Variants in SGCG observed in about 807,000 individuals in gnomAD.
The protein encoded by SGCG is sarcoglycan gamma, also known as gamma-sarcoglycan.
Under a neutral mutation model 29.3 loss-of-function variants are expected in SGCG, and 26 were observed. The ratio of observed to expected loss-of-function variants is 0.89; its 90% CI spans 0.65 to 1.23. SGCG has a LOEUF of 1.23. Ranked by LOEUF, SGCG falls within the 50% of genes most tolerant of loss-of-function variation. The pLI is 0.00. For synonymous variants in SGCG, 145 were observed against 129.7 expected, an observed-to-expected ratio of 1.12 and a Z score of -0.80; for missense variants, 353 against 356.0, an observed-to-expected ratio of 0.99 and a Z score of 0.07.
At chr13:23,186,855 C>CGA (rs1268649780) in intron 1 of SGCG, among the ~76,000 whole-genome samples, 1 of 152,156 alleles carries the variant, frequency 6.6e-6, no homozygotes, top group Non-Finnish European at 1.5e-5. Flanking sequence ...CAGTGGATCA[C>CGA]ACATTCTGTA....
intron 4 of SGCG, among the ~76,000 whole-genome samples, chr13:23,264,122 T>C (rs1194087737): frequency 6.6e-6 from 1 of 151,984 alleles, no homozygotes; most frequent in South Asian, 2.1e-4. Context: ...GCATCCAAAT[T>C]GGAAAAGAAA....
the SGCG span, among the ~76,000 whole-genome samples, chr13:23,167,480 G>T: frequency 6.6e-6 from 1 of 152,158 alleles, no homozygotes; most frequent in East Asian, 1.9e-4. Context: ...TCTCCAAACT[G>T]TTGTCCATAG....
chr13:23,194,683 T>C (rs550870154), intron 1 of SGCG, among the ~76,000 whole-genome samples: 172 of 152,288 alleles, frequency 1.1e-3, no homozygotes, highest in African/African-American at 3.9e-3. Flanking sequence ...CCTAATGGTA[T>C]TCACCATGTC....
the SGCG span, among the ~76,000 whole-genome samples, chr13:23,175,205 T>G: frequency 2.0e-5 from 3 of 152,148 alleles, no homozygotes; most frequent in Non-Finnish European, 4.4e-5. Flanking sequence ...GTTAATACAC[T>G]GAGACATAGC....
chr13:23,270,005 G>A (rs933087085), intron 4 of SGCG, among the ~76,000 whole-genome samples: 1 of 151,978 alleles, frequency 6.6e-6, no homozygotes, highest in African/African-American at 2.4e-5. Context: ...CTCCCGAGTA[G>A]CTGGGACTAC....
chr13:23,199,826 G>A (rs1014462665), intron 1 of SGCG, among the ~76,000 whole-genome samples: 1 of 152,172 alleles, frequency 6.6e-6, no homozygotes, highest in African/African-American at 2.4e-5. Context: ...GCAGTGTGTG[G>A]TCAGTATTTT....
At chr13:23,213,292 G>GAGACCA (rs1878302191) in intron 2 of SGCG, among the ~76,000 whole-genome samples, 3 of 152,032 alleles carry the variant, frequency 2.0e-5, no homozygotes, top group Admixed American at 2.0e-4. Context: ...TGGCCTACAT[G>GAGACCA]GCAAAACCCC....
chr13:23,235,546 G>A (rs899147962), intron 3 of SGCG, among the ~76,000 whole-genome samples: 2 of 152,282 alleles, frequency 1.3e-5, no homozygotes, highest in African/African-American at 4.8e-5. Flanking sequence ...CCTCCATGGA[G>A]CTTATAAGAA....
Position 23,320,765 on chromosome 13 carries a change from G to C in SGCG, c.702+5G>C, listed in dbSNP as rs146447150. On this transcript the variant is annotated splice_donor_5th_base_variant and intron_variant, in intron 7 of 7. Coordinates refer to ENST00000218867, the MANE Select transcript of SGCG (RefSeq NM_000231.3). ...TTTCATAGTAGTGATGGAATGGTGAGTTCATTCACAGATCAGCCTCCTACT... is the reference window on the plus strand; with the variant it reads ...TTTCATAGTAGTGATGGAATGGTGACTTCATTCACAGATCAGCCTCCTACT... 2.5e-6 allele frequency: 4 copies of C among 1,612,940 alleles called. No homozygotes were observed. Among genetic ancestry groups the C allele is most frequent in the Non-Finnish European group, 3.4e-6 (4 of 1,179,210 alleles).
intron 2 of SGCG, 107 bp from the exon 3 acceptor site, chr13:23,234,504 G>C: frequency 1.3e-6 from 1 of 764,552 alleles, no homozygotes; most frequent in Non-Finnish European, 2.3e-6. Context: ...TGCAGAAAAG[G>C]TGGTAGGCAA....
chr13:23,212,084 C>G (rs116629019), intron 2 of SGCG, among the ~76,000 whole-genome samples: 1 of 152,074 alleles, frequency 6.6e-6, no homozygotes, highest in East Asian at 1.9e-4. Context: ...CCATGTAAGA[C>G]GTGCTTGCTA....
chr13:23,177,348 G>A (rs1365769278), upstream of SGCG, among the ~76,000 whole-genome samples: 1 of 152,114 alleles, frequency 6.6e-6, no homozygotes, highest in Non-Finnish European at 1.5e-5. Context: ...AAAATAACTA[G>A]AAGAGGGGAT....
intron 6 of SGCG, among the ~76,000 whole-genome samples, chr13:23,309,652 AT>A (rs1367980018): frequency 2.0e-5 from 3 of 152,194 alleles, no homozygotes; most frequent in African/African-American, 4.8e-5. Flanking sequence ...TTTGGTAAAT[AT>A]TAATACCTAT....
At chr13:23,229,123 G>A (rs890311716) in intron 2 of SGCG, among the ~76,000 whole-genome samples, 1 of 152,150 alleles carries the variant, frequency 6.6e-6, no homozygotes, top group Non-Finnish European at 1.5e-5. Context: ...ACCTGCGTTG[G>A]CCTCCCAAAG....
chr13:23,299,440 A>AT (rs1882048854), intron 6 of SGCG, among the ~76,000 whole-genome samples: 3 of 5,258 alleles, frequency 5.7e-4, no homozygotes, highest in Non-Finnish European at 1.2e-3. Context: ...ATATATATAT[A>AT]TATATATATA....
intron 7 of SGCG, among the ~76,000 whole-genome samples, chr13:23,323,558 GC>G (rs1883125410): frequency 6.6e-6 from 1 of 152,218 alleles, no homozygotes; most frequent in Non-Finnish European, 1.5e-5. Context: ...ACGTTTGGCT[GC>G]TGGATGTGAC....
At chr13:23,170,876 C>T in the SGCG span, among the ~76,000 whole-genome samples, 14,295 of 152,206 alleles carry the variant, frequency 0.094, 916 homozygotes, top group African/African-American at 0.18. Flanking sequence ...AGCCTATGAC[C>T]GTGCCCCTGT....
chr13:23,276,715 G>T (rs1593214159), intron 4 of SGCG, among the ~76,000 whole-genome samples: 1 of 152,172 alleles, frequency 6.6e-6, no homozygotes, highest in African/African-American at 2.4e-5. Context: ...GATTACAGGC[G>T]TAAGCCACCG....
chr13:23,321,955 CAT>C (rs1883057585), intron 7 of SGCG, among the ~76,000 whole-genome samples: 1 of 151,658 alleles, frequency 6.6e-6, no homozygotes, highest in Non-Finnish European at 1.5e-5. Context: ...GAAAATCAGA[CAT>C]GTTAGGGATG....
Sources: allele counts gnomAD v4.1 joint callset (sites outside exome capture counted in the v4.1 genomes callset), GRCh38; gene constraint gnomAD v4.1.1; transcripts MANE v1.5; gene names NCBI Gene and HGNC (gene_info 2026-07-23, HGNC 2026-07-21).